Variants in C1orf94 observed in about 807,000 individuals in gnomAD.
C1orf94 encodes the protein chromosome 1 open reading frame 94.
A neutral mutation model predicts 53.6 loss-of-function variants in C1orf94; 45 were observed. The ratio of observed to expected loss-of-function variants is 0.84; its 90% CI spans 0.66 to 1.08. The LOEUF (loss-of-function observed/expected upper bound fraction) is 1.08, where lower values mean the gene tolerates loss of function less well. Ranked by LOEUF, C1orf94 falls within the 50% of genes least tolerant of loss-of-function variation. C1orf94 has a pLI of 0.00. For missense variants in C1orf94, 762 were observed against 738.9 expected, an observed-to-expected ratio of 1.03 and a Z score of -0.36; for synonymous variants, 304 against 296.1, an observed-to-expected ratio of 1.03 and a Z score of -0.27.
chr1:34,195,065 G>A (rs1642557078), intron 1 of C1orf94, among the ~76,000 whole-genome samples: 1 of 152,160 alleles, frequency 6.6e-6, no homozygotes, highest in African/African-American at 2.4e-5. Flanking sequence ...GACATGGGAA[G>A]GAGGCAAAGG....
At chr1:34,169,131 A>C (rs1338266956) in intron 1 of C1orf94, among the ~76,000 whole-genome samples, 1 of 152,152 alleles carries the variant, frequency 6.6e-6, no homozygotes, top group Non-Finnish European at 1.5e-5. Flanking sequence ...CTTCTCTGTG[A>C]GGAAAGGGTA....
intron 1 of C1orf94, among the ~76,000 whole-genome samples, chr1:34,189,824 T>C (rs1224716344): frequency 6.6e-6 from 1 of 152,206 alleles, no homozygotes; most frequent in Non-Finnish European, 1.5e-5. Context: ...GGCTGGCTCC[T>C]GGCCTCTGGC....
Position 34,197,252 on chromosome 1 carries a change from T to C in C1orf94, c.348T>C (p.Asp116=). The change falls in exon 2 of 7, where the codon GAT becomes GAC. Residue 116 remains aspartate, a synonymous_variant. Coordinates refer to ENST00000488417, the MANE Select transcript of C1orf94 (RefSeq NM_001134734.2). The surrounding 1 kb of genome is among the most constrained non-coding windows in gnomAD (Gnocchi z 4.1). The part of the protein sequence containing the change: ...EEALELSSGK[D]EISLLVEQEF... ...CTCTGGAGCTCAGCAGTGGCAAAGATGAGATCTCCTTGTTGGTGGAACAGG... is the reference window on the plus strand; with the variant it reads ...CTCTGGAGCTCAGCAGTGGCAAAGACGAGATCTCCTTGTTGGTGGAACAGG... 1.3e-6 allele frequency: 2 copies of C among 1,543,808 alleles called. No homozygotes were observed. Among genetic ancestry groups the C allele is most frequent in the Non-Finnish European group, 8.8e-7 (1 of 1,141,690 alleles).
In C1orf94 at chr1:34,177,962, C is replaced by T. The variant is rs940254429; in HGVS notation, c.173C>T (p.Pro58Leu). The T allele has an allele frequency of 8.4e-6, 13 of 1,551,724 alleles. No homozygotes were observed. Among genetic ancestry groups the T allele is most frequent in the Non-Finnish European group, 1.1e-5 (13 of 1,147,004 alleles). ...PRYIWIHQDT[P>L]QDSLDKTCHE... ...TACATCTGGATCCACCAGGACACAC[C>T]CCAAGACAGCCTAGACAAGACTTGC... The change falls in exon 1 of 7, where the codon CCC becomes CTC. Residue 58 changes from proline (P) to leucine (L), a missense_variant. Coordinates refer to ENST00000488417, the MANE Select transcript of C1orf94 (RefSeq NM_001134734.2).
chr1:34,170,286 C>T (rs570101442), intron 1 of C1orf94, among the ~76,000 whole-genome samples: 1 of 152,104 alleles, frequency 6.6e-6, no homozygotes, highest in Non-Finnish European at 1.5e-5. Flanking sequence ...TCCCATGGCC[C>T]CTGTCCTCAG....
intron 1 of C1orf94, among the ~76,000 whole-genome samples, chr1:34,191,462 C>A (rs1051714233): frequency 6.6e-6 from 1 of 152,166 alleles, no homozygotes; most frequent in Admixed American, 6.5e-5. Flanking sequence ...GTTTCCACCT[C>A]CCTCCAGGGA....
chr1:34,168,705 G>C (rs376749270), intron 1 of C1orf94, among the ~76,000 whole-genome samples: 2 of 152,176 alleles, frequency 1.3e-5, no homozygotes, highest in African/African-American at 4.8e-5. Flanking sequence ...TCTTCTCCCT[G>C]TGTCCTCACA....
chr1:34,178,952 A>AC (rs1346689671), intron 1 of C1orf94, among the ~76,000 whole-genome samples: 1 of 152,252 alleles, frequency 6.6e-6, no homozygotes, highest in Non-Finnish European at 1.5e-5. Context: ...TCCCCATTTT[A>AC]CAGATGGATT....
In C1orf94 at chr1:34,187,863, T is replaced by TG. The variant is rs971086182; in HGVS notation, c.321-9359dup. ...AGGGAGAATCAGGTGGAGGACATTG[T>TG]GGGAAGCAGGGTATCTCACTTCCAC... On this transcript the variant is annotated intron_variant, in intron 1 of 6. Transcript: ENST00000488417. Among the ~76,000 whole-genome samples the TG allele has an allele frequency of 1.6e-4, 23 of 141,490 alleles. No individual in the cohort carries two copies. In the South Asian group the frequency reaches 3.4e-3, roughly 21 times the overall value. 92.8% of individuals were successfully genotyped at this position (141,490 alleles called of 152,430 possible).
chr1:34,202,090 C>T lies in C1orf94; in HGVS notation c.1277C>T (p.Ala426Val). The change falls in exon 4 of 7, where the codon GCA (alanine) becomes GTA (valine). Residue 426 changes from alanine to valine, a missense_variant. Transcript: ENST00000488417. ...CCTCTCCTGTGACTTGCAGTTAACG[C>T]ACCTGTGACGGTTGCTGACAAGAAC... is the stretch of plus-strand genomic sequence containing the variant. ...EVDGPELKFN[A>V]PVTVADKNNP... The T allele has an allele frequency of 6.2e-7, 1 of 1,613,206 alleles. No individual in the cohort carries two copies.
intron 1 of C1orf94, among the ~76,000 whole-genome samples, chr1:34,196,026 C>G (rs141706963): frequency 1.3e-5 from 2 of 152,198 alleles, no homozygotes; most frequent in Non-Finnish European, 2.9e-5. Context: ...TCTCCTTCAG[C>G]GCTCCCATGA....
At chr1:34,218,584 T>C (rs1643027633) in intron 6 of C1orf94, 102 bp from the exon 7 acceptor site, 3 of 913,402 alleles carry the variant, frequency 3.3e-6, no homozygotes, top group Non-Finnish European at 4.8e-6. Flanking sequence ...TGTCATGGTC[T>C]TCACTGTTTC....
intron 4 of C1orf94, among the ~76,000 whole-genome samples, chr1:34,202,579 CAG>C (rs1244173738): frequency 2.0e-5 from 3 of 152,188 alleles, no homozygotes; most frequent in Non-Finnish European, 4.4e-5. Context: ...CTCTTTATTG[CAG>C]AGTCTCTTTG....
At chr1:34,212,774 C>T (rs955387363) in intron 6 of C1orf94, among the ~76,000 whole-genome samples, 1 of 152,158 alleles carries the variant, frequency 6.6e-6, no homozygotes, top group African/African-American at 2.4e-5. Context: ...CTCCTTAGAG[C>T]TCTCACCTCC....
At chr1:34,180,010 T>C (rs991165469) in intron 1 of C1orf94, among the ~76,000 whole-genome samples, 1 of 152,204 alleles carries the variant, frequency 6.6e-6, no homozygotes, top group African/African-American at 2.4e-5. Context: ...GTCAACCAAA[T>C]AGAACACAAT....
chr1:34,185,845 A>G (rs1642377102), intron 1 of C1orf94, among the ~76,000 whole-genome samples: 1 of 152,172 alleles, frequency 6.6e-6, no homozygotes, highest in Non-Finnish European at 1.5e-5. Flanking sequence ...GGGTCTCTGT[A>G]GTGGCCCTGC....
chr1:34,213,917 C>G (rs1238099851), intron 6 of C1orf94, among the ~76,000 whole-genome samples: 1 of 152,134 alleles, frequency 6.6e-6, no homozygotes, highest in African/African-American at 2.4e-5. Flanking sequence ...TTTCCTCTCT[C>G]CCTCCCTTTC....
intron 4 of C1orf94, among the ~76,000 whole-genome samples, chr1:34,203,511 T>C (rs1642747910): frequency 6.6e-6 from 1 of 152,156 alleles, no homozygotes; most frequent in Non-Finnish European, 1.5e-5. Flanking sequence ...GATTTTGGTA[T>C]CCACAGGGCA....
intron 4 of C1orf94, among the ~76,000 whole-genome samples, chr1:34,205,487 G>T (rs1642777469): frequency 6.6e-6 from 1 of 152,192 alleles, no homozygotes; most frequent in Admixed American, 6.5e-5. Context: ...CTGGTTAGCT[G>T]CTCAGAGCCA....
Sources: gnomAD v4.1 joint callset for allele counts (sites outside exome capture counted in the v4.1 genomes callset) on GRCh38, gnomAD v4.1.1 for gene constraint, Gnocchi (gnomAD v3.1) non-coding constraint, MANE v1.5 for transcripts, NCBI Gene and HGNC (gene_info 2026-07-23, HGNC 2026-07-21) for gene names.